MTUS2: variants seen among roughly 807,000 people sequenced by gnomAD.
The protein encoded by MTUS2 is microtubule-associated tumor suppressor candidate 2.
A neutral mutation model predicts 114.1 loss-of-function variants in MTUS2; 40 were observed. The ratio of observed to expected loss-of-function variants is 0.35; its 90% CI spans 0.27 to 0.46. The LOEUF is 0.46. MTUS2 is among the 20% of genes least tolerant of loss of function. The pLI, the probability that MTUS2 is intolerant of heterozygous loss-of-function variation, is 1.00. For missense variants in MTUS2, 1,679 were observed against 1,705.4 expected, an observed-to-expected ratio of 0.98 and a Z score of 0.27; for synonymous variants, 688 against 672.0, an observed-to-expected ratio of 1.02 and a Z score of -0.37.
At chr13:29,300,136 G>A (rs1899132480) in intron 6 of MTUS2, among the ~76,000 whole-genome samples, 1 of 152,074 alleles carries the variant, frequency 6.6e-6, no homozygotes, top group South Asian at 2.1e-4. Flanking sequence ...CAAAACAATA[G>A]CAAGAATAAT....
intron 5 of MTUS2, among the ~76,000 whole-genome samples, chr13:29,267,953 T>G (rs1372617566): frequency 6.6e-6 from 1 of 152,172 alleles, no homozygotes; most frequent in Admixed American, 6.5e-5. Flanking sequence ...ATTTGGTAAC[T>G]AAGAGATCAT....
At chr13:29,220,151 A>G (rs1895851064) in intron 5 of MTUS2, among the ~76,000 whole-genome samples, 1 of 151,996 alleles carries the variant, frequency 6.6e-6, no homozygotes, top group African/African-American at 2.4e-5. Flanking sequence ...ACCCGCCACC[A>G]TGACCAGCTG....
At chr13:29,049,994 A>G (rs567150739) in intron 4 of MTUS2, among the ~76,000 whole-genome samples, 1 of 152,266 alleles carries the variant, frequency 6.6e-6, no homozygotes, top group East Asian at 1.9e-4. Flanking sequence ...TCCCGCCAAC[A>G]TGGAACCCGG....
chr13:29,400,812 A>G (rs1874273717), intron 8 of MTUS2, among the ~76,000 whole-genome samples: 1 of 152,308 alleles, frequency 6.6e-6, no homozygotes, highest in Middle Eastern at 3.4e-3. Flanking sequence ...TGAAAGTTAT[A>G]CTTGTTAAGA....
intron 5 of MTUS2, among the ~76,000 whole-genome samples, chr13:29,266,008 G>C (rs960358412): frequency 6.6e-6 from 1 of 152,122 alleles, no homozygotes; most frequent in Non-Finnish European, 1.5e-5. Context: ...TGCCTCTTCC[G>C]AGCCAGACCA....
chr13:29,456,097 C>A (rs1341844538), intron 9 of MTUS2, among the ~76,000 whole-genome samples: 1 of 152,148 alleles, frequency 6.6e-6, no homozygotes, highest in Non-Finnish European at 1.5e-5. Flanking sequence ...CACGTTCTAG[C>A]ACTTCTAGAA....
chr13:29,257,882 A>AG (rs1357771419), intron 5 of MTUS2, among the ~76,000 whole-genome samples: 1 of 152,214 alleles, frequency 6.6e-6, no homozygotes, highest in Non-Finnish European at 1.5e-5. Context: ...AGATGGCTCC[A>AG]GGGGGCCAGG....
chr13:29,306,169 ACAGT>A (rs1468631121), intron 6 of MTUS2, among the ~76,000 whole-genome samples: 1 of 152,236 alleles, frequency 6.6e-6, no homozygotes, highest in African/African-American at 2.4e-5. Context: ...TGACAAATGC[ACAGT>A]CAATATCCTA....
At chr13:29,330,496 G>A (rs1470908443) in intron 7 of MTUS2, among the ~76,000 whole-genome samples, 2 of 152,016 alleles carry the variant, frequency 1.3e-5, no homozygotes, top group African/African-American at 4.8e-5. Flanking sequence ...TGTTTTAGTC[G>A]TGAAGTTTGC....
At chr13:28,895,432 T>C (rs965942818) in intron 2 of MTUS2, among the ~76,000 whole-genome samples, 4 of 152,206 alleles carry the variant, frequency 2.6e-5, no homozygotes, top group Non-Finnish European at 5.9e-5. Context: ...AAAAAAATTA[T>C]AGTTGAGTAT....
chr13:28,894,378 A>T (rs1017803875), intron 2 of MTUS2, among the ~76,000 whole-genome samples: 2 of 143,880 alleles, frequency 1.4e-5, no homozygotes, highest in Non-Finnish European at 3.0e-5. Flanking sequence ...GAGAGAACAG[A>T]GCTCACTGTC....
chr13:29,488,075 T>G, intron 11 of MTUS2, 70 bp downstream of exon 11: 3 of 1,189,680 alleles, frequency 2.5e-6, no homozygotes, highest in Non-Finnish European at 3.7e-6. Context: ...GCTGCAGATG[T>G]GTGGAGCCCC....
chr13:29,233,368 C>G (rs1458602923), intron 5 of MTUS2, among the ~76,000 whole-genome samples: 1 of 152,148 alleles, frequency 6.6e-6, no homozygotes, highest in East Asian at 1.9e-4. Context: ...GATGATCACA[C>G]TGACCCCACA....
intron 8 of MTUS2, among the ~76,000 whole-genome samples, chr13:29,373,600 T>G (rs943361270): frequency 2.0e-5 from 3 of 152,056 alleles, no homozygotes; most frequent in South Asian, 2.1e-4. Flanking sequence ...ATCACCAGAG[T>G]GCTAGACTGG....
chr13:28,890,447 C>T (rs1279596270), intron 2 of MTUS2, among the ~76,000 whole-genome samples: 1 of 152,074 alleles, frequency 6.6e-6, no homozygotes, highest in Non-Finnish European at 1.5e-5. Context: ...ACTGGGAGCA[C>T]GTCACTACAT....
At chr13:28,892,611 CA>C (rs2137918971) in intron 2 of MTUS2, among the ~76,000 whole-genome samples, 1 of 152,270 alleles carries the variant, frequency 6.6e-6, no homozygotes, top group African/African-American at 2.4e-5. Context: ...CATTTTGAAT[CA>C]CCTGGTGGGG....
intron 5 of MTUS2, among the ~76,000 whole-genome samples, chr13:29,179,711 T>G (rs1893920146): frequency 6.6e-6 from 1 of 152,254 alleles, no homozygotes; most frequent in Admixed American, 6.5e-5. Flanking sequence ...ACATTTGGTG[T>G]GCAACATTAT....
chr13:28,843,295 T>G (rs1875634937), intron 2 of MTUS2, among the ~76,000 whole-genome samples: 1 of 152,110 alleles, frequency 6.6e-6, no homozygotes, highest in South Asian at 2.1e-4. Context: ...GATTCAGAAG[T>G]ATCTATATCA....
intron 2 of MTUS2, among the ~76,000 whole-genome samples, chr13:28,924,463 C>G (rs1461285485): frequency 6.6e-6 from 1 of 152,224 alleles, no homozygotes; most frequent in African/African-American, 2.4e-5. Context: ...TACAGATGTA[C>G]AGTGCTCTGC....
Sources: gnomAD v4.1 joint callset for allele counts (sites outside exome capture counted in the v4.1 genomes callset) on GRCh38, gnomAD v4.1.1 for gene constraint, MANE v1.5 for transcripts, NCBI Gene and HGNC (gene_info 2026-07-23, HGNC 2026-07-21) for gene names.